Variants in AAK1 observed in about 807,000 individuals in gnomAD.
The protein encoded by AAK1 is AP2 associated kinase 1.
In AAK1, 37 loss-of-function variants were observed where a neutral mutation model predicts 116.0. The ratio of observed to expected loss-of-function variants is 0.32; its 90% CI spans 0.25 to 0.42. AAK1 has a LOEUF of 0.42. AAK1 is among the 10% of genes least tolerant of loss of function. AAK1 has a pLI of 1.00. For synonymous variants in AAK1, 458 were observed against 439.9 expected, an observed-to-expected ratio of 1.04 and a Z score of -0.51; for missense variants, 919 against 1,170.6, an observed-to-expected ratio of 0.79 and a Z score of 3.14.
At chr2:69,553,539 G>T (rs1371959648) in intron 3 of AAK1, among the ~76,000 whole-genome samples, 1 of 141,960 alleles carries the variant, frequency 7.0e-6, no homozygotes, top group African/African-American at 2.7e-5. Flanking sequence ...CGCCTTCTGG[G>T]TTCAAGCGAT....
intron 3 of AAK1, among the ~76,000 whole-genome samples, chr2:69,548,570 T>C (rs1671030858): frequency 1.3e-5 from 2 of 151,506 alleles, no homozygotes; most frequent in Non-Finnish European, 2.9e-5. Context: ...CTTTTCTTTC[T>C]TTCTTTCTCT....
chr2:69,478,455 A>AT lies in AAK1; in HGVS notation c.2680+495dup, dbSNP rs1362349427. ...TATTTATTTTTAGTACCTGTCTGCT[A>AT]TTTTTTTTGTTTTTTTAGACAGAGT... On this transcript the variant is annotated intron_variant, in intron 20 of 21. Transcript: ENST00000409085. The AT allele has an allele frequency of 2.2e-4, 34 of 151,908 alleles. No individual in the cohort carries two copies. The South Asian group carries it at 4.3e-3, about 19-fold the overall frequency. The allele number at this position is 151,908 out of a possible 1,614,324, so 9.4% of individuals were successfully genotyped here.
intron 2 of AAK1, among the ~76,000 whole-genome samples, chr2:69,560,136 C>T (rs75466549): frequency 2.0e-5 from 3 of 152,146 alleles, no homozygotes; most frequent in Non-Finnish European, 2.9e-5. Context: ...ATTTAAATCA[C>T]GAGATCAAAA....
In AAK1 at chr2:69,482,695, G is replaced by A. The variant is rs766568243; in HGVS notation, c.2467+16C>T. 6.4e-6 allele frequency: 10 copies of A among 1,574,002 alleles called. No homozygotes were observed. The Admixed American group carries it at 6.7e-5, about 11-fold the overall frequency. On this transcript the variant is annotated intron_variant, in intron 18 of 21. Transcript: ENST00000409085. ...CATATCATGCATGACTGAAGAAACA[G>A]AGATGATGACTTTACCAATTACAGC... is the stretch of plus-strand genomic sequence containing the variant.
chr2:69,538,821 G>A (rs1484413035), intron 5 of AAK1, among the ~76,000 whole-genome samples: 1 of 152,208 alleles, frequency 6.6e-6, no homozygotes, highest in African/African-American at 2.4e-5. Flanking sequence ...AGTGACAGCT[G>A]TAGTGAGCTG....
intron 2 of AAK1, among the ~76,000 whole-genome samples, chr2:69,624,853 A>G (rs1444357546): frequency 6.6e-6 from 1 of 152,200 alleles, no homozygotes; most frequent in East Asian, 1.9e-4. Context: ...AAACAATATT[A>G]TAACAGTGCC....
At chr2:69,528,228 G>A (rs1335233220) in intron 8 of AAK1, among the ~76,000 whole-genome samples, 9 of 152,212 alleles carry the variant, frequency 5.9e-5, no homozygotes, top group Non-Finnish European at 1.0e-4. Context: ...AAGTCTGAGT[G>A]GGTGGAATGC....
At chr2:69,612,142 T>A (rs548108733) in intron 2 of AAK1, among the ~76,000 whole-genome samples, 1 of 152,326 alleles carries the variant, frequency 6.6e-6, no homozygotes, top group Non-Finnish European at 1.5e-5. Flanking sequence ...ACTTAAAGTA[T>A]AATAAAAAAA....
chr2:69,495,865 G>A, intron 17 of AAK1, 120 bp downstream of exon 17: 1 of 749,458 alleles, frequency 1.3e-6, no homozygotes. Context: ...TACAACAGCA[G>A]CCTATTATTA....
At chr2:69,544,361 T>G in intron 4 of AAK1, 75 bp downstream of exon 4, 6 of 1,210,426 alleles carry the variant, frequency 5.0e-6, no homozygotes, top group African/African-American at 1.5e-5. Context: ...GCACATTAAG[T>G]GAAATGACCA....
chr2:69,616,363 G>A (rs1178402220), intron 2 of AAK1, among the ~76,000 whole-genome samples: 3 of 152,100 alleles, frequency 2.0e-5, no homozygotes, highest in Admixed American at 6.5e-5. Context: ...TATGTTATGT[G>A]AATTTTGCCT....
chr2:69,596,281 C>T (rs1317952696), intron 2 of AAK1, among the ~76,000 whole-genome samples: 5 of 148,566 alleles, frequency 3.4e-5, no homozygotes, highest in South Asian at 2.1e-4. Flanking sequence ...AGTGCAGTGG[C>T]GCCATTTTGG....
chr2:69,580,308 CT>C (rs1441274211), intron 2 of AAK1, among the ~76,000 whole-genome samples: 1 of 152,184 alleles, frequency 6.6e-6, no homozygotes, highest in Non-Finnish European at 1.5e-5. Flanking sequence ...AAAGAATACC[CT>C]TTCCCCATCC....
At chr2:69,606,993 G>C (rs1370644306) in intron 2 of AAK1, among the ~76,000 whole-genome samples, 2 of 139,220 alleles carry the variant, frequency 1.4e-5, no homozygotes, top group Non-Finnish European at 3.1e-5. Flanking sequence ...TTGAGCCCAA[G>C]AGGCAGAGGT....
At chr2:69,510,408 C>A (rs891983037) in intron 13 of AAK1, among the ~76,000 whole-genome samples, 4 of 152,292 alleles carry the variant, frequency 2.6e-5, no homozygotes, top group African/African-American at 9.6e-5. Flanking sequence ...CATAGTATTC[C>A]ATGGTATATA....
intron 2 of AAK1, among the ~76,000 whole-genome samples, chr2:69,596,937 C>T (rs1054167498): frequency 1.3e-5 from 2 of 151,750 alleles, no homozygotes; most frequent in African/African-American, 4.8e-5. Flanking sequence ...GAGTAGAAGG[C>T]GAGGGTGTTA....
intron 2 of AAK1, among the ~76,000 whole-genome samples, chr2:69,592,890 C>G (rs1170480575): frequency 6.6e-6 from 1 of 152,170 alleles, no homozygotes. Flanking sequence ...TGCCTGTGTT[C>G]TAAATAGTTG....
intron 3 of AAK1, among the ~76,000 whole-genome samples, chr2:69,552,020 G>T (rs1236942338): frequency 1.3e-5 from 2 of 152,192 alleles, no homozygotes; most frequent in Non-Finnish European, 2.9e-5. Context: ...TACATCTTCT[G>T]ATTCCCTTCA....
intron 5 of AAK1, among the ~76,000 whole-genome samples, chr2:69,540,998 A>T (rs1485833046): frequency 6.6e-6 from 1 of 152,208 alleles, no homozygotes; most frequent in Non-Finnish European, 1.5e-5. Context: ...AAAGTCAGAC[A>T]GAAGGGGTCA....
Sources: allele counts gnomAD v4.1 joint callset (sites outside exome capture counted in the v4.1 genomes callset), GRCh38; gene constraint gnomAD v4.1.1; transcripts MANE v1.5; gene names NCBI Gene and HGNC (gene_info 2026-07-23, HGNC 2026-07-21).